NEK1: variants seen among roughly 807,000 people sequenced by gnomAD.
NEK1 encodes the protein NIMA related kinase 1.
In NEK1, 137 loss-of-function variants were observed where a neutral mutation model predicts 182.1. The observed-to-expected ratio is 0.75, with a 90% confidence interval of 0.65 to 0.87. The LOEUF (loss-of-function observed/expected upper bound fraction) is 0.87. NEK1 is among the 40% of genes least tolerant of loss of function. The pLI, the probability that NEK1 is intolerant of heterozygous loss-of-function variation, is 0.00. For synonymous variants in NEK1, 513 were observed against 492.2 expected, an observed-to-expected ratio of 1.04 and a Z score of -0.56; for missense variants, 1,391 against 1,494.4, an observed-to-expected ratio of 0.93 and a Z score of 1.14.
intron 32 of NEK1, among the ~76,000 whole-genome samples, chr4:169,404,783 T>A (rs533046076): frequency 1.6e-3 from 59 of 37,922 alleles, no homozygotes; most frequent in African/African-American, 2.9e-3. Flanking sequence ...TGGAAAAAAA[T>A]TTTTTTTTTA....
intron 31 of NEK1, among the ~76,000 whole-genome samples, chr4:169,417,259 G>C (rs943156600): frequency 6.6e-6 from 1 of 152,190 alleles, no homozygotes; most frequent in Non-Finnish European, 1.5e-5. Flanking sequence ...ATGAGCTAGA[G>C]AAAAATGTTT....
intron 19 of NEK1, among the ~76,000 whole-genome samples, chr4:169,522,968 G>T (rs931437308): frequency 6.6e-6 from 1 of 152,178 alleles, no homozygotes; most frequent in African/African-American, 2.4e-5. Flanking sequence ...GAACCCTGGT[G>T]TTATTTCTCA....
intron 23 of NEK1, among the ~76,000 whole-genome samples, chr4:169,486,878 ATT>A (rs1242839877): frequency 2.6e-5 from 4 of 152,170 alleles, no homozygotes; most frequent in Non-Finnish European, 4.4e-5. Context: ...CCCTAATTCT[ATT>A]TTTCACTGAA....
intron 11 of NEK1, 76 bp from the exon 12 acceptor site, chr4:169,577,155 G>T: frequency 7.4e-7 from 1 of 1,358,678 alleles, no homozygotes; most frequent in Non-Finnish European, 1.0e-6. Context: ...CTTCAAGATA[G>T]CACTGTTTAA....
intron 12 of NEK1, among the ~76,000 whole-genome samples, chr4:169,565,409 T>G (rs746889810): frequency 1.3e-5 from 2 of 152,184 alleles, no homozygotes; most frequent in African/African-American, 2.4e-5. Flanking sequence ...ACCCCTTGTT[T>G]TAAAATAATT....
At chr4:169,476,049 A>G (rs1395513167) in intron 26 of NEK1, among the ~76,000 whole-genome samples, 1 of 152,176 alleles carries the variant, frequency 6.6e-6, no homozygotes, top group East Asian at 1.9e-4. Context: ...AAGTGTTCCA[A>G]ATGTGACAAC....
intron 27 of NEK1, 147 bp downstream of exon 27, chr4:169,463,096 C>A (rs373236216): frequency 2.1e-6 from 1 of 478,836 alleles, no homozygotes; most frequent in East Asian, 3.9e-5. Flanking sequence ...CCCTAGAAAA[C>A]ACAATCATTC....
intron 2 of NEK1, among the ~76,000 whole-genome samples, chr4:169,607,570 C>T (rs1771571903): frequency 6.6e-6 from 1 of 152,112 alleles, no homozygotes; most frequent in Admixed American, 6.5e-5. Context: ...TCACGCCATT[C>T]TTCTGCCTCA....
chr4:169,568,829 C>T (rs865887746), intron 12 of NEK1, among the ~76,000 whole-genome samples: 6 of 151,112 alleles, frequency 4.0e-5, no homozygotes, highest in African/African-American at 1.2e-4. Context: ...CCCAGCTACT[C>T]GGGAGGCTGA....
chr4:169,564,860 T>C (rs1763434286), intron 12 of NEK1, among the ~76,000 whole-genome samples: 1 of 152,178 alleles, frequency 6.6e-6, no homozygotes. Context: ...GCATTTTAAT[T>C]AAATGATCAT....
intron 16 of NEK1, among the ~76,000 whole-genome samples, chr4:169,556,330 C>G (rs914070002): frequency 7.2e-5 from 11 of 151,972 alleles, no homozygotes; most frequent in African/African-American, 2.7e-4. Flanking sequence ...CAAACAAAAA[C>G]AGCAAAATGA....
intron 26 of NEK1, among the ~76,000 whole-genome samples, chr4:169,471,201 A>C (rs1288723566): frequency 1.3e-5 from 2 of 152,092 alleles, no homozygotes; most frequent in African/African-American, 2.4e-5. Context: ...GAGAAGAGGC[A>C]TTCTGGTTTT....
In NEK1 at chr4:169,406,675, C is replaced by G. The variant is rs765205496; in HGVS notation, c.3295G>C (p.Asp1099His). ...ATTTCAAGATTGTCTTGACGAACAT[C>G]TCCTACGGTGGGAACATCCATAAGG... is the stretch of plus-strand genomic sequence containing the variant. The part of the protein sequence containing the change: ...RTLMDVPTVG[D>H]VRQDNLEIDE... The change falls in exon 32 of 36, where the codon GAT (aspartate) becomes CAT (histidine). Residue 1099 changes from aspartate (D) to histidine (H), a missense_variant. Physicochemically the swap from Asp to His is moderately conservative, Grantham distance 81. Around this residue, in one of 5 missense-constraint regions of NEK1, gnomAD observed 1,216 missense variants for 1,277.6 expected, o/e 0.95. Coordinates refer to ENST00000507142, the MANE Select transcript of NEK1 (RefSeq NM_001199397.3). 1.4e-5 allele frequency: 23 copies of G among 1,610,056 alleles called. No individual in the cohort carries two copies. In the Middle Eastern group the frequency reaches 8.2e-4, roughly 58 times the overall value.
intron 18 of NEK1, among the ~76,000 whole-genome samples, chr4:169,547,409 T>C (rs1454459614): frequency 6.6e-6 from 1 of 152,198 alleles, no homozygotes; most frequent in African/African-American, 2.4e-5. Flanking sequence ...CTTAACATTT[T>C]TTCCTTCATT....
intron 18 of NEK1, among the ~76,000 whole-genome samples, chr4:169,542,938 G>A (rs1759711506): frequency 6.6e-6 from 1 of 152,064 alleles, no homozygotes. Context: ...TCTGTAGGTT[G>A]CCTGTTCACT....
At chr4:169,443,445 G>T (rs376146634) in intron 27 of NEK1, among the ~76,000 whole-genome samples, 2 of 140,414 alleles carry the variant, frequency 1.4e-5, no homozygotes, top group East Asian at 4.2e-4. Context: ...GTTTCTGAAT[G>T]AAAACAGTTC....
chr4:169,584,031 G>A (rs766209005), intron 10 of NEK1, among the ~76,000 whole-genome samples: 1 of 152,124 alleles, frequency 6.6e-6, no homozygotes, highest in African/African-American at 2.4e-5. Context: ...ATTTACTGAA[G>A]AGGTTAACAG....
intron 18 of NEK1, among the ~76,000 whole-genome samples, chr4:169,540,870 C>T (rs1163422892): frequency 3.3e-5 from 5 of 151,240 alleles, no homozygotes; most frequent in Admixed American, 6.6e-5. Flanking sequence ...GACAAACTTT[C>T]CTTTTTTTTT....
chr4:169,544,599 G>GTTTTTT (rs139478702), intron 18 of NEK1, among the ~76,000 whole-genome samples: 114 of 66,234 alleles, frequency 1.7e-3, no homozygotes, highest in Admixed American at 2.0e-3. Context: ...TCTGGTCATG[G>GTTTTTT]TTTTTTTTTT....
Sources: gnomAD v4.1 joint callset for allele counts (sites outside exome capture counted in the v4.1 genomes callset) on GRCh38, gnomAD v4.1.1 for gene constraint, gnomAD v4.1.1 regional missense constraint, MANE v1.5 for transcripts, NCBI Gene and HGNC (gene_info 2026-07-23, HGNC 2026-07-21) for gene names.